The following AGBL4 variants were observed in gnomAD, a reference collection of about 807,000 sequenced individuals.
AGBL4 encodes the protein AGBL carboxypeptidase 4, also known as cytosolic carboxypeptidase 6.
In AGBL4, 58 loss-of-function variants were observed where a neutral mutation model predicts 66.4. The observed-to-expected ratio is 0.87, with a 90% confidence interval of 0.71 to 1.09. The LOEUF (loss-of-function observed/expected upper bound fraction) is 1.09, where lower values mean the gene tolerates loss of function less well. AGBL4 is among the 50% of genes least tolerant of loss of function. The pLI, the probability that AGBL4 is intolerant of heterozygous loss-of-function variation, is 0.00. For synonymous variants in AGBL4, 234 were observed against 222.9 expected, an observed-to-expected ratio of 1.05 and a Z score of -0.44; for missense variants, 579 against 631.0, an observed-to-expected ratio of 0.92 and a Z score of 0.88.
At chr1:48,605,230 A>G (rs1645137084) in intron 9 of AGBL4, among the ~76,000 whole-genome samples, 1 of 152,216 alleles carries the variant, frequency 6.6e-6, no homozygotes, top group Non-Finnish European at 1.5e-5. Flanking sequence ...TGGGGAGCCA[A>G]GAGCATGAAT....
chr1:49,761,667 C>A (rs1390655573), intron 2 of AGBL4, among the ~76,000 whole-genome samples: 3 of 152,170 alleles, frequency 2.0e-5, no homozygotes, highest in Admixed American at 6.5e-5. Flanking sequence ...TTTAGTATAT[C>A]CATCACCAAA....
chr1:49,773,030 T>C (rs1644105383), intron 2 of AGBL4, among the ~76,000 whole-genome samples: 1 of 152,212 alleles, frequency 6.6e-6, no homozygotes, highest in African/African-American at 2.4e-5. Context: ...CTTCATTCTT[T>C]TTTAATCATT....
At chr1:48,658,157 T>TG (rs1646050052) in intron 7 of AGBL4, among the ~76,000 whole-genome samples, 1 of 152,202 alleles carries the variant, frequency 6.6e-6, no homozygotes, top group African/African-American at 2.4e-5. Context: ...GCTGAGTGCC[T>TG]CACAAGAACC....
intron 5 of AGBL4, among the ~76,000 whole-genome samples, chr1:49,025,967 A>G (rs1436437995): frequency 6.6e-6 from 1 of 152,134 alleles, no homozygotes; most frequent in Non-Finnish European, 1.5e-5. Context: ...TACATGTAAT[A>G]TGTCATCTAT....
At chr1:49,503,984 C>CA (rs1266789324) in intron 3 of AGBL4, among the ~76,000 whole-genome samples, 1 of 151,982 alleles carries the variant, frequency 6.6e-6, no homozygotes. Flanking sequence ...AGGGCTGGGA[C>CA]AAAATGATAT....
intron 2 of AGBL4, among the ~76,000 whole-genome samples, chr1:49,804,429 G>A (rs1411107927): frequency 1.3e-5 from 2 of 152,090 alleles, no homozygotes; most frequent in Admixed American, 6.5e-5. Flanking sequence ...CAATGGATGA[G>A]GTCAAAAGGA....
chr1:49,456,255 C>A (rs1043272905), intron 3 of AGBL4, among the ~76,000 whole-genome samples: 3 of 151,660 alleles, frequency 2.0e-5, no homozygotes, highest in Non-Finnish European at 4.4e-5. Flanking sequence ...GGAACTCTCT[C>A]AAAATCAGGC....
At chr1:48,784,894 A>C (rs1182012944) in intron 6 of AGBL4, among the ~76,000 whole-genome samples, 8 of 152,236 alleles carry the variant, frequency 5.3e-5, no homozygotes, top group African/African-American at 1.9e-4. Flanking sequence ...TAATGTAAAA[A>C]ATTGTCACAA....
At chr1:49,734,340 G>T (rs1171198831) in intron 2 of AGBL4, among the ~76,000 whole-genome samples, 1 of 151,688 alleles carries the variant, frequency 6.6e-6, no homozygotes, top group African/African-American at 2.4e-5. Context: ...ATGTAAATTG[G>T]AAAGAAAAAA....
At chr1:49,400,686 A>T (rs1645066407) in intron 3 of AGBL4, among the ~76,000 whole-genome samples, 1 of 152,160 alleles carries the variant, frequency 6.6e-6, no homozygotes, top group African/African-American at 2.4e-5. Context: ...GGCACATGAA[A>T]ATGTTACTGA....
chr1:48,855,314 G>A lies in AGBL4; in HGVS notation c.634+11877C>T, dbSNP rs950519447. Among the ~76,000 whole-genome samples, 8 of 152,082 alleles carry A rather than the reference G, an allele frequency of 5.3e-5. No homozygotes were observed. The South Asian group carries it at 6.2e-4, about 12-fold the overall frequency. On this transcript the variant is annotated intron_variant, in intron 6 of 13. Coordinates refer to ENST00000371839, the MANE Select transcript of AGBL4 (RefSeq NM_032785.4). ...CCCTTCACTGGAGCCCTGGAATAAC[G>A]GCATCTTTCATAGATTTCTCAGGAC...
chr1:48,645,937 G>C (rs188346986), intron 8 of AGBL4, among the ~76,000 whole-genome samples: 2 of 152,288 alleles, frequency 1.3e-5, no homozygotes, highest in African/African-American at 4.8e-5. Flanking sequence ...TTGGCCTGGA[G>C]CAGTGGTGGG....
intron 3 of AGBL4, among the ~76,000 whole-genome samples, chr1:49,485,661 T>A (rs1481507543): frequency 6.6e-6 from 1 of 151,262 alleles, no homozygotes; most frequent in Non-Finnish European, 1.5e-5. Flanking sequence ...TGAGATCCTG[T>A]CATTTAGAAC....
chr1:49,323,555 C>G (rs947491233), intron 3 of AGBL4, among the ~76,000 whole-genome samples: 1 of 151,546 alleles, frequency 6.6e-6, no homozygotes, highest in Non-Finnish European at 1.5e-5. Context: ...TCTCAGCCTC[C>G]CTAAGTGCTA....
intron 8 of AGBL4, among the ~76,000 whole-genome samples, chr1:48,641,532 G>T (rs1453828171): frequency 6.6e-6 from 1 of 152,144 alleles, no homozygotes; most frequent in Non-Finnish European, 1.5e-5. Context: ...GAAGGACTTG[G>T]GTTTGAGTCC....
intron 3 of AGBL4, among the ~76,000 whole-genome samples, chr1:49,421,468 G>A (rs1570675733): frequency 1.3e-5 from 2 of 152,188 alleles, no homozygotes; most frequent in African/African-American, 4.8e-5. Context: ...AGGCTCAGGA[G>A]AGCCAGCTTT....
At chr1:49,359,897 T>C (rs537467792) in intron 3 of AGBL4, among the ~76,000 whole-genome samples, 22 of 152,190 alleles carry the variant, frequency 1.4e-4, no homozygotes, top group African/African-American at 5.3e-4. Context: ...ACATAGTACT[T>C]CACAATTAAA....
At chr1:49,553,210 GATT>G (rs2148841167) in intron 3 of AGBL4, among the ~76,000 whole-genome samples, 1 of 152,288 alleles carries the variant, frequency 6.6e-6, no homozygotes, top group African/African-American at 2.4e-5. Context: ...TCACAATATA[GATT>G]GTACGATGGC....
At chr1:48,571,970 C>G (rs1644571078) in intron 11 of AGBL4, among the ~76,000 whole-genome samples, 1 of 152,168 alleles carries the variant, frequency 6.6e-6, no homozygotes, top group African/African-American at 2.4e-5. Context: ...ACCCCAAAAA[C>G]AGTTCCTTCA....
Sources: gnomAD v4.1 joint callset for allele counts (sites outside exome capture counted in the v4.1 genomes callset) on GRCh38, gnomAD v4.1.1 for gene constraint, MANE v1.5 for transcripts, NCBI Gene and HGNC (gene_info 2026-07-23, HGNC 2026-07-21) for gene names.